Variants in OMA1 observed in about 807,000 individuals in gnomAD.
OMA1 encodes the protein OMA1 zinc metallopeptidase.
In OMA1, 38 loss-of-function variants were observed where a neutral mutation model predicts 30.9. The ratio of observed to expected loss-of-function variants is 1.23; its 90% CI spans 0.95 to 1.61. OMA1 has a LOEUF of 1.61. OMA1 is among the 40% of genes most tolerant of loss of function. OMA1 has a pLI of 0.00. For missense variants in OMA1, 461 were observed against 349.2 expected, an observed-to-expected ratio of 1.32 and a Z score of -2.55; for synonymous variants, 173 against 121.9, an observed-to-expected ratio of 1.42 and a Z score of -2.76.
intron 7 of OMA1, among the ~76,000 whole-genome samples, chr1:58,520,070 G>C (rs1003145073): frequency 1.3e-5 from 2 of 152,084 alleles, no homozygotes; most frequent in African/African-American, 4.8e-5. Context: ...ACAAAGATGG[G>C]AACAACAGAC....
At chr1:58,534,686 G>A (rs1390373753) in intron 3 of OMA1, among the ~76,000 whole-genome samples, 2 of 152,226 alleles carry the variant, frequency 1.3e-5, no homozygotes, top group Non-Finnish European at 2.9e-5. Flanking sequence ...TGTAATCCCA[G>A]AACTAGGGGA....
chr1:58,512,857 T>C (rs1172686509), intron 7 of OMA1, among the ~76,000 whole-genome samples: 1 of 152,164 alleles, frequency 6.6e-6, no homozygotes, highest in Non-Finnish European at 1.5e-5. Context: ...AAGTATGTGT[T>C]GTAAAATTAT....
At chr1:58,521,581 T>A (rs1646265559) in intron 7 of OMA1, among the ~76,000 whole-genome samples, 2 of 152,042 alleles carry the variant, frequency 1.3e-5, no homozygotes, top group Admixed American at 1.3e-4. Flanking sequence ...AGGGGACATT[T>A]AAAAGATACA....
intron 7 of OMA1, among the ~76,000 whole-genome samples, chr1:58,515,542 T>C (rs1049501091): frequency 3.3e-5 from 5 of 152,224 alleles, no homozygotes; most frequent in African/African-American, 1.2e-4. Context: ...CAAGCCTGTC[T>C]CATTTTTCTG....
intron 3 of OMA1, 88 bp from the exon 4 acceptor site, chr1:58,534,419 T>C (rs17117681): frequency 0.023 from 14,398 of 624,706 alleles, 418 homozygotes; most frequent in East Asian, 0.12. Context: ...CTACTTATTA[T>C]TGAACATTTT....
chr1:58,530,489 C>A (rs762033659), intron 6 of OMA1, 112 bp downstream of exon 6: 5 of 640,572 alleles, frequency 7.8e-6, no homozygotes, highest in African/African-American at 1.8e-5. Context: ...AAAATTCGTA[C>A]CCATATTTCA....
chr1:58,487,056 T>C (rs1027600226), intron 8 of OMA1, among the ~76,000 whole-genome samples: 5 of 152,208 alleles, frequency 3.3e-5, no homozygotes, highest in African/African-American at 9.6e-5. Context: ...TCTGGCTACA[T>C]ATTGAAAATA....
intron 1 of OMA1, among the ~76,000 whole-genome samples, chr1:58,543,895 T>C (rs888159782): frequency 6.6e-6 from 1 of 152,218 alleles, no homozygotes; most frequent in African/African-American, 2.4e-5. Context: ...CCCCTACATG[T>C]GGCTACTGAG....
intron 8 of OMA1, among the ~76,000 whole-genome samples, chr1:58,485,792 G>T (rs977468507): frequency 6.6e-6 from 1 of 151,898 alleles, no homozygotes; most frequent in East Asian, 1.9e-4. Context: ...TTAACTCCAC[G>T]CACTGCACAT....
intron 7 of OMA1, among the ~76,000 whole-genome samples, chr1:58,523,617 T>C (rs188186044): frequency 3.7e-3 from 560 of 152,224 alleles, no homozygotes; most frequent in Non-Finnish European, 6.2e-3. Context: ...CTGGCAGTCC[T>C]GGCCGGGCGC....
intron 7 of OMA1, among the ~76,000 whole-genome samples, chr1:58,516,870 A>G (rs1248128084): frequency 6.6e-6 from 1 of 152,204 alleles, no homozygotes; most frequent in Non-Finnish European, 1.5e-5. Flanking sequence ...ACATGCATCT[A>G]TGTCCTTGGG....
intron 1 of OMA1, chr1:58,542,657 C>G (rs1477600242): frequency 6.6e-6 from 1 of 152,112 alleles, no homozygotes; most frequent in Non-Finnish European, 1.5e-5. Context: ...AGTCAAACTG[C>G]AAAAACAACC....
At chr1:58,514,254 T>C (rs914283446) in intron 7 of OMA1, among the ~76,000 whole-genome samples, 2 of 152,166 alleles carry the variant, frequency 1.3e-5, no homozygotes, top group Admixed American at 6.5e-5. Context: ...TTTGCTACTA[T>C]TAAATTATAA....
At chr1:58,511,700 A>T (rs1325963880) in intron 7 of OMA1, among the ~76,000 whole-genome samples, 4 of 152,128 alleles carry the variant, frequency 2.6e-5, no homozygotes, top group Non-Finnish European at 5.9e-5. Context: ...ATGGTGCTAG[A>T]AAAACTGAAT....
chr1:58,540,362 C>A (rs970075525), intron 1 of OMA1, among the ~76,000 whole-genome samples: 2 of 151,200 alleles, frequency 1.3e-5, no homozygotes, highest in Non-Finnish European at 2.9e-5. Context: ...TTAAAAATCA[C>A]CAAGCATGCA....
chr1:58,504,890 A>C (rs1417239469), intron 8 of OMA1, among the ~76,000 whole-genome samples: 1 of 152,036 alleles, frequency 6.6e-6, no homozygotes, highest in Admixed American at 6.6e-5. Flanking sequence ...CACATCTAGC[A>C]TCATTTCTTT....
chr1:58,495,159 T>C (rs894578497), intron 8 of OMA1, among the ~76,000 whole-genome samples: 18 of 152,102 alleles, frequency 1.2e-4, no homozygotes, highest in South Asian at 2.1e-4. Context: ...CTCAGCAAAC[T>C]ATTGCAAGGA....
chr1:58,506,340 G>A, intron 7 of OMA1, 131 bp from the exon 8 acceptor site: 1 of 568,800 alleles, frequency 1.8e-6, no homozygotes, highest in Non-Finnish European at 3.1e-6. Context: ...ACAACGTGCA[G>A]GTTTGTTACA....
rs1646565234 is a variant in OMA1, at chr1:58,539,229, C to T, written c.66G>A (p.Leu22=). 3 of 871,292 alleles carry T rather than the reference C, an allele frequency of 3.4e-6. No homozygotes were observed. Among genetic ancestry groups the T allele is most frequent in the Non-Finnish European group, 6.0e-6 (3 of 501,432 alleles). 54.0% of individuals were successfully genotyped at this position (871,292 alleles called of 1,614,324 possible). ...RNHVFFRFNS[L]SNWRKCNTLA... is the part of the protein sequence containing the mutation. ...ATGTGTTACATTTTCTCCAGTTAGA[C>T]AGTGAATTAAATCGGAAGAAAACAT... The change falls in exon 2 of 9, where the codon CTG becomes CTA. Residue 22 remains leucine, a synonymous_variant. Coordinates refer to ENST00000371226, the MANE Select transcript of OMA1 (RefSeq NM_145243.5).
Sources: allele counts gnomAD v4.1 joint callset (sites outside exome capture counted in the v4.1 genomes callset), GRCh38; gene constraint gnomAD v4.1.1; transcripts MANE v1.5; gene names NCBI Gene and HGNC (gene_info 2026-07-23, HGNC 2026-07-21).